Variants in CHRDL1 observed in about 807,000 individuals in gnomAD.
The protein encoded by CHRDL1 is chordin-like protein 1.
Under a neutral mutation model 40.9 loss-of-function variants are expected in CHRDL1, and 19 were observed. The ratio of observed to expected loss-of-function variants is 0.46; its 90% confidence interval spans 0.32 to 0.68. The LOEUF is 0.68. Ranked by LOEUF, CHRDL1 falls within the 30% of genes least tolerant of loss-of-function variation. The probability of loss-of-function intolerance (pLI) is 0.03; values close to 1 mark genes in which losing one functional copy is unlikely to be tolerated. For synonymous variants in CHRDL1, 136 were observed against 123.4 expected (o/e 1.10, Z -0.68); for missense variants, 329 against 352.1 (o/e 0.93, Z 0.53).
intron 4 of CHRDL1, among the ~76,000 whole-genome samples, chrX:110,736,781 C>A (rs1293871695): frequency 3.6e-5 from 4 of 111,808 alleles, no homozygotes; most frequent in South Asian, 3.8e-4. Context: ...ATGACAATAA[C>A]CACACCAATA....
At chrX:110,753,820 A>G (rs1222771428) in intron 4 of CHRDL1, among the ~76,000 whole-genome samples, 1 of 111,836 alleles carries the variant, frequency 8.9e-6, no homozygotes, top group African/African-American at 3.3e-5. Flanking sequence ...GTGATTTTCA[A>G]CTCTTACTCT....
intron 4 of CHRDL1, among the ~76,000 whole-genome samples, chrX:110,759,321 C>T (rs912542151): frequency 1.8e-5 from 2 of 112,058 alleles, no homozygotes; most frequent in African/African-American, 6.5e-5. Context: ...CACATGCCGC[C>T]ATGCTGCAAC....
Position 110,719,632 on chromosome X carries a change from G to GTT in CHRDL1, c.541+201_541+202dup, listed in dbSNP as rs77947691. On this transcript the variant is annotated intron_variant, in intron 6 of 11. Coordinates refer to ENST00000372042, the MANE Select transcript of CHRDL1 (RefSeq NM_001143981.2). ...CTGAAGCACAGCACTCCATCCTGTAGTTTTTTTTTTTTTTTTAAAGGCTGT... is the reference window on the plus strand; with the variant it reads ...CTGAAGCACAGCACTCCATCCTGTAGTTTTTTTTTTTTTTTTTTAAAGGCTGT... 3.0e-3 allele frequency among the ~76,000 whole-genome samples: 284 copies of GTT among 96,051 alleles called. 1 individual carries two copies. The highest frequency in any genetic ancestry group is 9.2e-3 in the African/African-American group (245 of 26,718). The allele number at this position is 96,051 out of a possible 115,157, so 83.4% of individuals were successfully genotyped here. A position where few individuals can be genotyped will look rare whatever the true frequency, so the allele number is the denominator to read the frequency against.
At chrX:110,795,573 C>G (rs1278977593) in intron 1 of CHRDL1, 171 bp downstream of exon 1, 1 of 111,620 alleles carries the variant, frequency 9.0e-6, no homozygotes, top group Non-Finnish European at 1.9e-5. Flanking sequence ...TGGGCCCCAC[C>G]TCCATCCAGG....
rs374779856 is a variant in CHRDL1 at position 110,721,445 on chromosome X, G to A, written c.387C>T (p.Phe129=). 18 of 1,206,442 alleles carry A rather than the reference G, an allele frequency of 1.5e-5. No individual in the cohort carries two copies. The African/African-American group carries it at 2.1e-4, about 14-fold the overall frequency. Residue 129 remains phenylalanine (F), a synonymous_variant, in exon 5 of 12, where the codon TTC becomes TTT. Transcript: ENST00000372042. ...GATTCTGAAAGAGCCCTTCAGCTAC[G>A]AACAGCTCTCCATGTTGGTAAGTTG... is the stretch of plus-strand genomic sequence containing the variant. ...NGTTYQHGEL[F]VAEGLFQNRQ...
intron 2 of CHRDL1, among the ~76,000 whole-genome samples, chrX:110,772,824 C>G (rs760574320): frequency 1.8e-5 from 2 of 112,452 alleles, no homozygotes; most frequent in East Asian, 5.6e-4. Context: ...CAAATGCTGC[C>G]TAAATATTTG....
In CHRDL1 at chrX:110,757,350, A is replaced by G. The variant is rs138603676; in HGVS notation, c.301+2311T>C. On this transcript the variant is annotated intron_variant, in intron 4 of 11. Transcript: ENST00000372042. ...CTTACACATCTCATTGTGTGCATCA[A>G]TGAAAAGAAGAAAGTTTTAAAAGCT... is the stretch of plus-strand genomic sequence containing the variant. Among the ~76,000 whole-genome samples, 231 of 111,075 alleles carry G rather than the reference A, an allele frequency of 2.1e-3. 2 individuals carry two copies. The highest frequency in any genetic ancestry group is 3.7e-3 in the Non-Finnish European group (196 of 52,875).
intron 6 of CHRDL1, among the ~76,000 whole-genome samples, chrX:110,711,151 C>G (rs965745413): frequency 8.9e-6 from 1 of 111,771 alleles, no homozygotes; most frequent in Non-Finnish European, 1.9e-5. Context: ...TGTACTGTTA[C>G]TTTTAACGTG....
intron 4 of CHRDL1, among the ~76,000 whole-genome samples, chrX:110,752,245 TTTTAAATAGAGA>T (rs2089372294): frequency 8.9e-6 from 1 of 112,148 alleles, no homozygotes; most frequent in African/African-American, 3.2e-5. Context: ...TTTTTTTGTA[TTTTAAATAGAGA>T]CAGAGTTTCA....
rs780803465 is a variant in CHRDL1 at position 110,719,948 on chromosome X, T to C, written c.448-20A>G. ...TCCCTCCTGCCAAGGAGAAACAGAATTAAGATTAGAAGCATCTAGGATAAG... is the reference window on the plus strand; with the variant it reads ...TCCCTCCTGCCAAGGAGAAACAGAACTAAGATTAGAAGCATCTAGGATAAG... On this transcript the variant is annotated intron_variant, in intron 5 of 11. Coordinates refer to ENST00000372042, the MANE Select transcript of CHRDL1 (RefSeq NM_001143981.2). The C allele has an allele frequency of 9.3e-7, 1 of 1,072,494 alleles. No individual in the cohort carries two copies. Among genetic ancestry groups the C allele is most frequent in the East Asian group, 3.0e-5 (1 of 33,109 alleles). The allele number at this position is 1,072,494 out of a possible 1,213,427, so 88.4% of individuals were successfully genotyped here.
At chrX:110,766,757 A>G (rs1044389400) in intron 2 of CHRDL1, among the ~76,000 whole-genome samples, 4 of 111,650 alleles carry the variant, frequency 3.6e-5, no homozygotes, top group African/African-American at 1.3e-4. Context: ...ATTCTGCCAG[A>G]CATTCAAAGA....
chrX:110,691,530 A>G (rs1412839998), intron 8 of CHRDL1, among the ~76,000 whole-genome samples: 1 of 110,612 alleles, frequency 9.0e-6, no homozygotes, highest in Non-Finnish European at 1.9e-5. Flanking sequence ...CCAATCAACA[A>G]CATCTCTAGG....
intron 2 of CHRDL1, among the ~76,000 whole-genome samples, chrX:110,767,568 TCAAGAACTCAACCCCTTTTA>T (rs1282243042): frequency 1.9e-5 from 2 of 105,956 alleles, no homozygotes; most frequent in Admixed American, 2.1e-4. Context: ...GAGAATCAAA[TCAAGAACTCAACCCCTTTTA>T]CAAAGGATGC....
intron 3 of CHRDL1, 127 bp downstream of exon 3, chrX:110,762,568 C>T (rs138028410): frequency 1.0e-3 from 443 of 444,338 alleles, no homozygotes; most frequent in Non-Finnish European, 1.3e-3. Flanking sequence ...TGAGACAGTG[C>T]GATCGGTCTG....
chrX:110,681,528 A>G lies in CHRDL1; in HGVS notation c.1110T>C (p.Thr370=). Residue 370 remains threonine (T), a synonymous_variant, in exon 10 of 12, where the codon ACT becomes ACC. Coordinates refer to ENST00000372042, the MANE Select transcript of CHRDL1 (RefSeq NM_001143981.2). ...GGACCTCTACCTGAGGTGGTCTCTC[A>G]GTCTCCAGTGCTATTTTTCTGGTTG... ...GETTRKIALE[T]ERPPQVEVHV... is the part of the protein sequence containing the mutation. The G allele has an allele frequency of 8.3e-7, 1 of 1,209,262 alleles. No homozygotes were observed. The highest frequency in any genetic ancestry group is 1.7e-5 in the African/African-American group (1 of 57,660).
chrX:110,759,877 T>A, intron 3 of CHRDL1, 123 bp from the exon 4 acceptor site: 1 of 506,703 alleles, frequency 2.0e-6, no homozygotes, highest in African/African-American at 2.3e-5. Context: ...CCCAAGAAGC[T>A]GAATGCATTC....
intron 6 of CHRDL1, among the ~76,000 whole-genome samples, chrX:110,711,229 G>A (rs968439859): frequency 1.8e-5 from 2 of 111,795 alleles, no homozygotes; most frequent in Admixed American, 1.9e-4. Context: ...AATATAGAGG[G>A]CGGACTGTAT....
Position 110,688,659 on chromosome X carries a change from G to A in CHRDL1, c.923C>T (p.Pro308Leu), listed in dbSNP as rs750853113. 1.7e-6 allele frequency: 2 copies of A among 1,209,775 alleles called. No individual in the cohort carries two copies. The highest frequency in any genetic ancestry group is 4.4e-5 in the Admixed American group (2 of 45,843). ...CKKIHCPNRY[P>L]CKYPQKIDGK... ...GTCTATTTTTTGAGGATACTTGCAGGGGTATCGATTGGGGCAGTGGATTTT... is the reference window on the plus strand; with the variant it reads ...GTCTATTTTTTGAGGATACTTGCAGAGGTATCGATTGGGGCAGTGGATTTT... The change falls in exon 9 of 12, where the codon CCC becomes CTC. Residue 308 changes from proline to leucine, a missense_variant. Coordinates refer to ENST00000372042, the MANE Select transcript of CHRDL1 (RefSeq NM_001143981.2).
At chrX:110,775,063 T>G in intron 2 of CHRDL1, among the ~76,000 whole-genome samples, 1 of 112,079 alleles carries the variant, frequency 8.9e-6, no homozygotes, top group Non-Finnish European at 1.9e-5. Flanking sequence ...AAATGTTGAC[T>G]TTTGTGAAAA....
Sources: allele counts gnomAD v4.1 joint callset (sites outside exome capture counted in the v4.1 genomes callset), GRCh38; gene constraint gnomAD v4.1.1; transcripts MANE v1.5; gene names NCBI Gene and HGNC (gene_info 2026-07-23, HGNC 2026-07-21).